The following TNS1 variants were observed in gnomAD, a reference collection of about 807,000 sequenced individuals.
TNS1 encodes the protein tensin 1.
In TNS1, 62 loss-of-function variants were observed where a neutral mutation model predicts 168.6. The observed-to-expected ratio is 0.37, with a 90% CI of 0.30 to 0.45. TNS1 has a LOEUF of 0.45. TNS1 is among the 20% of genes least tolerant of loss of function. The pLI is 1.00. For missense variants in TNS1, 2,240 were observed against 2,339.4 expected (o/e 0.96, Z 0.88); for synonymous variants, 934 against 933.2 (o/e 1.00, Z -0.02).
intron 22 of TNS1, among the ~76,000 whole-genome samples, chr2:217,825,925 G>A (rs1469769118): frequency 6.6e-6 from 1 of 152,196 alleles, no homozygotes; most frequent in African/African-American, 2.4e-5. Flanking sequence ...CTGAACTTGG[G>A]GAACAGGATG....
intron 2 of TNS1, among the ~76,000 whole-genome samples, chr2:217,983,669 C>T (rs889187079): frequency 2.2e-4 from 34 of 152,194 alleles, no homozygotes; most frequent in African/African-American, 8.0e-4. Context: ...AAAATGAGCA[C>T]ATAGCCTCAG....
At chr2:217,859,575 G>T in intron 18 of TNS1, 1 of 1,421,142 alleles carries the variant, frequency 7.0e-7, no homozygotes, top group Non-Finnish European at 9.6e-7. Flanking sequence ...ATTCTGGCTT[G>T]GCAACTTGAC....
Position 217,962,796 on chromosome 2 carries a change from T to C in TNS1, c.186+15969A>G, listed in dbSNP as rs141410546. 8.2e-3 allele frequency among the ~76,000 whole-genome samples: 1,251 copies of C among 152,242 alleles called. 11 individuals are homozygous for C. The highest frequency in any genetic ancestry group is 0.022 in the African/African-American group (921 of 41,528). On this transcript the variant is annotated intron_variant, in intron 3 of 32. Coordinates refer to ENST00000682258, the MANE Select transcript of TNS1 (RefSeq NM_001387777.1). ...AGAAAGACAGAAGAACTGTCCCAGA[T>C]AGGAGAAGACTCAGGAGACACGATG...
chr2:217,830,776 C>T (rs1944306484), intron 22 of TNS1, among the ~76,000 whole-genome samples: 1 of 152,204 alleles, frequency 6.6e-6, no homozygotes, highest in African/African-American at 2.4e-5. Flanking sequence ...TGAGCACAGG[C>T]CAGGGAGAGT....
At chr2:217,826,739 G>A (rs1372710795) in intron 22 of TNS1, among the ~76,000 whole-genome samples, 2 of 152,168 alleles carry the variant, frequency 1.3e-5, no homozygotes, top group Admixed American at 6.5e-5. Context: ...GGCGGGAGAG[G>A]TGGGGACAGG....
At chr2:217,973,976 C>A (rs79691453) in intron 3 of TNS1, among the ~76,000 whole-genome samples, 2,273 of 152,276 alleles carry the variant, frequency 0.015, 68 homozygotes, top group African/African-American at 0.05. Context: ...TCCTGCAATC[C>A]GCAAGAACAC....
At chr2:217,892,594 A>T (rs1951849886) in intron 11 of TNS1, among the ~76,000 whole-genome samples, 1 of 152,180 alleles carries the variant, frequency 6.6e-6, no homozygotes, top group Non-Finnish European at 1.5e-5. Flanking sequence ...CCAGACCCAG[A>T]TCTGATCCGA....
intron 32 of TNS1, among the ~76,000 whole-genome samples, chr2:217,806,354 G>C (rs1939086666): frequency 1.3e-5 from 2 of 152,220 alleles, no homozygotes; most frequent in Non-Finnish European, 2.9e-5. Context: ...ATCCCTGGCT[G>C]GCCTCACCTC....
At chr2:217,891,141 T>C in intron 11 of TNS1, 96 bp from the exon 12 acceptor site, 1 of 1,192,792 alleles carries the variant, frequency 8.4e-7, no homozygotes, top group Non-Finnish European at 1.2e-6. Flanking sequence ...CAGAGCACTC[T>C]GGCCAAAGAG....
upstream of TNS1, among the ~76,000 whole-genome samples, chr2:218,006,996 T>C (rs1958664246): frequency 6.6e-6 from 1 of 152,086 alleles, no homozygotes; most frequent in Admixed American, 6.5e-5. Context: ...ATCCAGTCTC[T>C]CAGTTCCCAG....
chr2:217,908,483 G>A (rs375026974), intron 4 of TNS1, among the ~76,000 whole-genome samples: 20 of 152,286 alleles, frequency 1.3e-4, no homozygotes, highest in African/African-American at 4.3e-4. Context: ...CATGTGTCTC[G>A]GCACAAGAGG....
chr2:217,971,487 G>T (rs967539865), intron 3 of TNS1, among the ~76,000 whole-genome samples: 1 of 152,156 alleles, frequency 6.6e-6, no homozygotes. Flanking sequence ...GAATATAAAG[G>T]TTCGTTCCAG....
intron 16 of TNS1, among the ~76,000 whole-genome samples, chr2:217,884,170 G>A (rs1559296891): frequency 2.0e-5 from 3 of 152,052 alleles, no homozygotes; most frequent in South Asian, 2.1e-4. Flanking sequence ...TGGATGGATG[G>A]ATGGATAGAT....
chr2:217,960,731 C>G (rs1272499037), intron 3 of TNS1, among the ~76,000 whole-genome samples: 2 of 152,162 alleles, frequency 1.3e-5, no homozygotes, highest in Non-Finnish European at 2.9e-5. Context: ...CCTTCAGTCC[C>G]CTGTCCCCCT....
chr2:217,903,452 C>T (rs1185323904), intron 6 of TNS1: 11 of 1,134,602 alleles, frequency 9.7e-6, no homozygotes, highest in Non-Finnish European at 1.2e-6. Flanking sequence ...CTCTGCCTGC[C>T]TGTAATCCTA....
At chr2:217,805,454 T>TCACACACACCACCACACACAC (rs2125030522) in intron 32 of TNS1, among the ~76,000 whole-genome samples, 1 of 38,422 alleles carries the variant, frequency 2.6e-5, no homozygotes, top group East Asian at 1.6e-3. Context: ...ATACACACCA[T>TCACACACACCACCACACACAC]CACACACACC....
At chr2:217,846,928 C>T (rs1432390843) in intron 19 of TNS1, among the ~76,000 whole-genome samples, 1 of 152,238 alleles carries the variant, frequency 6.6e-6, no homozygotes, top group Non-Finnish European at 1.5e-5. Context: ...GCAGATAGAG[C>T]CTAAGGGCTT....
intron 18 of TNS1, among the ~76,000 whole-genome samples, chr2:217,870,529 T>C (rs1389985473): frequency 2.0e-5 from 3 of 152,166 alleles, no homozygotes; most frequent in Admixed American, 2.0e-4. Flanking sequence ...AGCTTGCACT[T>C]GTCTACAGGT....
At chr2:217,831,045 A>G (rs549608685) in intron 22 of TNS1, among the ~76,000 whole-genome samples, 3 of 152,198 alleles carry the variant, frequency 2.0e-5, no homozygotes, top group South Asian at 4.1e-4. Context: ...GCCCTGGCAC[A>G]CAGCAGCAGG....
Sources: allele counts gnomAD v4.1 joint callset (sites outside exome capture counted in the v4.1 genomes callset), GRCh38; gene constraint gnomAD v4.1.1; transcripts MANE v1.5; gene names NCBI Gene and HGNC (gene_info 2026-07-23, HGNC 2026-07-21).